The following SHISAL1 variants were observed in gnomAD, a reference collection of about 807,000 sequenced individuals.
SHISAL1 encodes the protein shisa like 1.
SHISAL1 carries 9 observed loss-of-function variants against 22.6 expected under a neutral mutation model. That is an observed-to-expected ratio of 0.40 (90% CI 0.24 to 0.70). The LOEUF is 0.70. Among genes scored for constraint, SHISAL1 ranks in the 30% least tolerant of loss-of-function variants. SHISAL1 has a pLI of 0.39. For synonymous variants in SHISAL1, 119 were observed against 115.4 expected (o/e 1.03, Z -0.20); for missense variants, 246 against 270.6 (o/e 0.91, Z 0.64).
chr22:44,267,254 G>A (rs915318109), intron 4 of SHISAL1, among the ~76,000 whole-genome samples: 8 of 152,048 alleles, frequency 5.3e-5, no homozygotes, highest in African/African-American at 1.9e-4. Context: ...CTCCTCCCCA[G>A]GCCCATTGCA....
At chr22:44,301,708 C>A (rs2055430661) in intron 1 of SHISAL1, among the ~76,000 whole-genome samples, 1 of 152,146 alleles carries the variant, frequency 6.6e-6, no homozygotes, top group Non-Finnish European at 1.5e-5. Flanking sequence ...TCACACAATG[C>A]ACATTACTCT....
intron 4 of SHISAL1, among the ~76,000 whole-genome samples, chr22:44,283,933 T>C (rs1238654858): frequency 6.6e-6 from 1 of 152,048 alleles, no homozygotes; most frequent in Non-Finnish European, 1.5e-5. Flanking sequence ...ACAGACATTT[T>C]ATTGTCTGTA....
chr22:44,291,290 G>A (rs73432522), intron 3 of SHISAL1, among the ~76,000 whole-genome samples: 3,801 of 152,254 alleles, frequency 0.025, 249 homozygotes, highest in East Asian at 0.2. Flanking sequence ...GGAAGCCTTC[G>A]CTTCTCAAGC....
At chr22:44,313,647 C>T (rs2055536962), upstream of SHISAL1, among the ~76,000 whole-genome samples, 1 of 152,326 alleles carries the variant, frequency 6.6e-6, no homozygotes, top group Admixed American at 6.5e-5. Context: ...TGGCTGGCCT[C>T]TGCAGCCACA....
At chr22:44,305,754 C>T (rs867833319) in intron 1 of SHISAL1, among the ~76,000 whole-genome samples, 2 of 152,216 alleles carry the variant, frequency 1.3e-5, no homozygotes, top group African/African-American at 4.8e-5. Flanking sequence ...CATCCATGGC[C>T]TGGCTGTGCC....
chr22:44,317,885 A>C (rs916740089), upstream of SHISAL1, among the ~76,000 whole-genome samples: 2 of 152,244 alleles, frequency 1.3e-5, no homozygotes, highest in Non-Finnish European at 2.9e-5. Context: ...CTGAGTTTGC[A>C]CTTTGGAAGC....
chr22:44,258,523 T>C (rs1363428932), intron 4 of SHISAL1, among the ~76,000 whole-genome samples: 1 of 152,202 alleles, frequency 6.6e-6, no homozygotes, highest in African/African-American at 2.4e-5. Context: ...TATGTATCCA[T>C]GTGTTCTCAT....
intron 4 of SHISAL1, among the ~76,000 whole-genome samples, chr22:44,281,775 A>T (rs1441342585): frequency 1.3e-5 from 2 of 152,182 alleles, no homozygotes; most frequent in African/African-American, 4.8e-5. Flanking sequence ...TCACAGTCTG[A>T]GTTCAGTAGC....
intron 2 of SHISAL1, among the ~76,000 whole-genome samples, chr22:44,299,907 C>G (rs1330271228): frequency 1.4e-5 from 2 of 143,992 alleles, no homozygotes; most frequent in African/African-American, 5.2e-5. Context: ...GAGACAGAGA[C>G]AGAGACAGAA....
chr22:44,253,115 A>G (rs1442412907), intron 4 of SHISAL1, among the ~76,000 whole-genome samples: 1 of 152,250 alleles, frequency 6.6e-6, no homozygotes, highest in East Asian at 1.9e-4. Flanking sequence ...TGTATACTTT[A>G]AAAATGGTTA....
rs182210531 is a variant in SHISAL1, at chr22:44,250,428, C to T, written c.*-743G>A. 6.1e-4 allele frequency among the ~76,000 whole-genome samples: 93 copies of T among 152,314 alleles called. 1 individual carries two copies. In the East Asian group the frequency reaches 6.9e-3, roughly 11 times the overall value. Reference sequence around the variant, plus strand: ...GATCTACAGTGTGGAAACAGATCTGCGGGGCACTTACTTATAGCTTTGATT... The same window carrying T: ...GATCTACAGTGTGGAAACAGATCTGTGGGGCACTTACTTATAGCTTTGATT... On this transcript the variant is annotated intron_variant, in intron 4 of 4. Transcript: ENST00000381176.
At chr22:44,295,402 C>T (rs1157254416) in intron 3 of SHISAL1, among the ~76,000 whole-genome samples, 11 of 151,240 alleles carry the variant, frequency 7.3e-5, no homozygotes, top group Admixed American at 7.3e-4. Flanking sequence ...GAGAGCTCAA[C>T]TAATTAAAGA....
chr22:44,288,308 C>T (rs574525103), intron 3 of SHISAL1, among the ~76,000 whole-genome samples: 1 of 152,302 alleles, frequency 6.6e-6, no homozygotes, highest in South Asian at 2.1e-4. Flanking sequence ...TAGCACACTG[C>T]CTTGGCTGCG....
chr22:44,272,816 G>A (rs2055214039), intron 4 of SHISAL1, among the ~76,000 whole-genome samples: 1 of 152,202 alleles, frequency 6.6e-6, no homozygotes. Context: ...TGTTTCATGT[G>A]CACATAAGAA....
At chr22:44,276,314 G>A (rs1181712887) in intron 4 of SHISAL1, among the ~76,000 whole-genome samples, 6 of 152,188 alleles carry the variant, frequency 3.9e-5, no homozygotes, top group Non-Finnish European at 8.8e-5. Context: ...GCTGCAGCAA[G>A]CGGCAGTGTG....
At chr22:44,302,475 C>T (rs1036124292) in intron 1 of SHISAL1, among the ~76,000 whole-genome samples, 56 of 152,154 alleles carry the variant, frequency 3.7e-4, no homozygotes, top group African/African-American at 1.2e-3. Context: ...GGAGTGGTGC[C>T]GAGAATGGTG....
chr22:44,302,277 C>T (rs960800624), intron 1 of SHISAL1, among the ~76,000 whole-genome samples: 12 of 143,832 alleles, frequency 8.3e-5, no homozygotes, highest in South Asian at 4.5e-4. Flanking sequence ...GAGGTGGAGG[C>T]TGCAGTGAGC....
At chr22:44,273,943 C>T (rs1181846146) in intron 4 of SHISAL1, among the ~76,000 whole-genome samples, 4 of 152,152 alleles carry the variant, frequency 2.6e-5, no homozygotes, top group African/African-American at 7.2e-5. Context: ...ACAGACTGGG[C>T]GCGGTGGCTC....
intron 1 of SHISAL1, among the ~76,000 whole-genome samples, chr22:44,312,089 C>T (rs892397063): frequency 3.3e-5 from 5 of 152,228 alleles, no homozygotes; most frequent in African/African-American, 4.8e-5. Context: ...GAACCCCTTC[C>T]TCACTGGAGT....
Sources: allele counts gnomAD v4.1 joint callset (sites outside exome capture counted in the v4.1 genomes callset), GRCh38; gene constraint gnomAD v4.1.1; transcripts MANE v1.5; gene names NCBI Gene and HGNC (gene_info 2026-07-23, HGNC 2026-07-21).